Variants in PTGER3 observed in about 807,000 individuals in gnomAD.
The protein encoded by PTGER3 is prostaglandin E receptor 3.
PTGER3 carries 22 observed loss-of-function variants against 34.7 expected under a neutral mutation model. That is an observed-to-expected ratio of 0.63 (90% confidence interval 0.45 to 0.91). PTGER3 has a LOEUF of 0.91. Ranked by LOEUF, PTGER3 falls within the 40% of genes least tolerant of loss-of-function variation. The pLI is 0.00. For synonymous variants in PTGER3, 241 were observed against 230.1 expected (o/e 1.05, Z -0.43); for missense variants, 468 against 519.4 (o/e 0.90, Z 0.96).
Position 70,883,843 on chromosome 1 carries a change from A to C in PTGER3, c.*24-30984T>G, listed in dbSNP as rs796250938. 40 of 203,514 alleles carry C rather than the reference A, an allele frequency of 2.0e-4. 1 individual carries two copies. In the South Asian group the frequency reaches 2.6e-3, roughly 13 times the overall value. The allele number at this position is 203,514 out of a possible 1,614,324, so 12.6% of individuals were successfully genotyped here. ...TTTGGGAGGCCAAGGTGGGTGGGTT[A>C]CTTGAGGTCAGGTGTTCAAGACCAG... On this transcript the variant is annotated intron_variant, in intron 4 of 4. Coordinates refer to the PTGER3 transcript ENST00000370931.
chr1:70,999,953 C>T (rs1351552133), intron 2 of PTGER3, among the ~76,000 whole-genome samples: 2 of 152,192 alleles, frequency 1.3e-5, no homozygotes, highest in African/African-American at 2.4e-5. Context: ...CATGTGCACA[C>T]ACCTAGATTG....
intron 2 of PTGER3, among the ~76,000 whole-genome samples, chr1:70,985,530 A>G (rs1654835443): frequency 6.6e-6 from 1 of 152,160 alleles, no homozygotes; most frequent in Admixed American, 6.5e-5. Flanking sequence ...ACCCAGAAGG[A>G]CTACAGGAGG....
At chr1:70,957,895 C>A (rs1651520318) in intron 2 of PTGER3, among the ~76,000 whole-genome samples, 2 of 152,124 alleles carry the variant, frequency 1.3e-5, no homozygotes, top group African/African-American at 2.4e-5. Flanking sequence ...TCTATGAAAT[C>A]AATGTTTTTA....
chr1:71,018,540 C>G (rs945586350), intron 1 of PTGER3, among the ~76,000 whole-genome samples: 2 of 152,078 alleles, frequency 1.3e-5, no homozygotes, highest in African/African-American at 4.8e-5. Context: ...TTACCCCACC[C>G]AATAGTTAAA....
rs1434083425 is a variant in PTGER3, at chr1:70,956,229, C to T, written c.1078-2440G>A. Among the ~76,000 whole-genome samples the T allele has an allele frequency of 4.6e-5, 7 of 152,056 alleles. No individual in the cohort carries two copies. The South Asian group carries it at 1.5e-3, about 32-fold the overall frequency. ...ACAGGCATTTATATTTATAATTAGC[C>T]TTTTGGGGGAACCATTTTAAGAAAA... On this transcript the variant is annotated intron_variant, in intron 2 of 3. Coordinates refer to the PTGER3 transcript ENST00000356595.
chr1:70,904,136 C>T (rs748746255), intron 4 of PTGER3, among the ~76,000 whole-genome samples: 3 of 152,150 alleles, frequency 2.0e-5, no homozygotes, highest in African/African-American at 2.4e-5. Context: ...TTTGCCTGCC[C>T]GCCATCAATG....
At chr1:70,893,815 A>G (rs553475076) in intron 4 of PTGER3, among the ~76,000 whole-genome samples, 123 of 152,304 alleles carry the variant, frequency 8.1e-4, no homozygotes, top group African/African-American at 2.2e-3. Flanking sequence ...GAGAAAATTC[A>G]TTTGTTTGTT....
chr1:70,939,398 T>A (rs541627733), intron 4 of PTGER3, among the ~76,000 whole-genome samples: 1 of 152,240 alleles, frequency 6.6e-6, no homozygotes, highest in African/African-American at 2.4e-5. Context: ...AGTTCTGGGG[T>A]CTGGAGGAAG....
intron 1 of PTGER3, among the ~76,000 whole-genome samples, chr1:71,028,042 T>C (rs1659088412): frequency 6.6e-6 from 1 of 152,178 alleles, no homozygotes; most frequent in South Asian, 2.1e-4. Flanking sequence ...ACTGTGTAGG[T>C]ATCATCACTG....
intron 4 of PTGER3, among the ~76,000 whole-genome samples, chr1:70,879,484 A>G (rs146693470): frequency 1.3e-4 from 20 of 152,224 alleles, no homozygotes; most frequent in Non-Finnish European, 2.8e-4. Flanking sequence ...CCAAACTCTA[A>G]TGATCATCCC....
chr1:71,020,508 G>T (rs1383814212), intron 1 of PTGER3, among the ~76,000 whole-genome samples: 1 of 151,762 alleles, frequency 6.6e-6, no homozygotes, highest in Non-Finnish European at 1.5e-5. Flanking sequence ...GGGCAAAGCT[G>T]GAAAATGAAA....
chr1:70,978,462 G>A, intron 2 of PTGER3, among the ~76,000 whole-genome samples: 1 of 152,144 alleles, frequency 6.6e-6, no homozygotes, highest in East Asian at 1.9e-4. Context: ...AAATTAATAA[G>A]GTAATAGGAG....
chr1:70,899,553 G>A lies in PTGER3; in HGVS notation c.*24-46694C>T, dbSNP rs141364861. ...GGAGTTCTGAGAGAGTGAGGGGTTA[G>A]AGGAAATCGGCATGAGCCAGATTAT... is the stretch of plus-strand genomic sequence containing the variant. On this transcript the variant is annotated intron_variant, in intron 4 of 4. Transcript: ENST00000370931. 4.6e-3 allele frequency among the ~76,000 whole-genome samples: 705 copies of A among 152,206 alleles called. 11 individuals are homozygous for A. The highest frequency in any genetic ancestry group is 0.028 in the Admixed American group (423 of 15,278).
intron 4 of PTGER3, among the ~76,000 whole-genome samples, chr1:70,894,552 AT>A (rs1176303185): frequency 6.6e-6 from 1 of 151,816 alleles, no homozygotes; most frequent in Non-Finnish European, 1.5e-5. Flanking sequence ...AGGCAAACTC[AT>A]TTTTTTTCCC....
chr1:70,878,610 C>T (rs1028590550), intron 4 of PTGER3, among the ~76,000 whole-genome samples: 2 of 152,032 alleles, frequency 1.3e-5, no homozygotes. Flanking sequence ...GCGTTTAATG[C>T]CATAAACTTC....
At chr1:70,986,755 A>G (rs1206033565) in intron 2 of PTGER3, among the ~76,000 whole-genome samples, 2 of 152,198 alleles carry the variant, frequency 1.3e-5, no homozygotes, top group African/African-American at 4.8e-5. Context: ...CTTCACACAG[A>G]TGCCATCTTG....
chr1:70,870,446 C>T (rs548183382), intron 4 of PTGER3, among the ~76,000 whole-genome samples: 1 of 152,244 alleles, frequency 6.6e-6, no homozygotes, highest in Non-Finnish European at 1.5e-5. Context: ...GCAAATTTCT[C>T]TAGCAAGTGG....
chr1:71,011,494 A>T, intron 2 of PTGER3: 1 of 985,382 alleles, frequency 1.0e-6, no homozygotes, highest in Non-Finnish European at 1.2e-6. Flanking sequence ...GGTCAGTTTC[A>T]TGAATCTTCC....
At chr1:70,961,353 C>T (rs1260909137) in intron 2 of PTGER3, among the ~76,000 whole-genome samples, 2 of 152,184 alleles carry the variant, frequency 1.3e-5, no homozygotes, top group Admixed American at 6.5e-5. Flanking sequence ...TGCAATATGG[C>T]AGTAGCTATG....
Sources: gnomAD v4.1 joint callset for allele counts (sites outside exome capture counted in the v4.1 genomes callset) on GRCh38, gnomAD v4.1.1 for gene constraint, MANE v1.5 for transcripts, NCBI Gene and HGNC (gene_info 2026-07-23, HGNC 2026-07-21) for gene names.